NRG3: variants seen among roughly 807,000 people sequenced by gnomAD.
The protein encoded by NRG3 is pro-neuregulin-3, membrane-bound isoform.
In NRG3, 31 loss-of-function variants were observed where a neutral mutation model predicts 66.9. The ratio of observed to expected loss-of-function variants is 0.46; its 90% CI spans 0.35 to 0.63. The LOEUF is 0.63. NRG3 is among the 20% of genes least tolerant of loss of function. The pLI is 0.00. For missense variants in NRG3, 910 were observed against 878.9 expected, an observed-to-expected ratio of 1.04 and a Z score of -0.45; for synonymous variants, 393 against 359.4, an observed-to-expected ratio of 1.09 and a Z score of -1.06.
chr10:82,431,710 A>G (rs938371745), intron 2 of NRG3, among the ~76,000 whole-genome samples: 4 of 152,144 alleles, frequency 2.6e-5, no homozygotes, highest in Admixed American at 2.0e-4. Flanking sequence ...AATTTTCTGG[A>G]AGCAATCATC....
intron 3 of NRG3, among the ~76,000 whole-genome samples, chr10:82,760,679 TA>T (rs1453873130): frequency 6.6e-6 from 1 of 151,396 alleles, no homozygotes; most frequent in Non-Finnish European, 1.5e-5. Flanking sequence ...ACTTAGAAAA[TA>T]AAAAAATAAA....
In NRG3 at chr10:81,893,135, A is replaced by G. The variant is rs529770625; in HGVS notation, c.823+16972A>G. 2.6e-3 allele frequency among the ~76,000 whole-genome samples: 392 copies of G among 152,328 alleles called. 3 individuals are homozygous for G. Among genetic ancestry groups the G allele is most frequent in the African/African-American group, 8.8e-3 (365 of 41,576 alleles). ...AGTAATAAACGGAAAGTAAAAGTCAAGTGTAGTTCTACCACCCAGAGATAA... is the reference window on the plus strand; with the variant it reads ...AGTAATAAACGGAAAGTAAAAGTCAGGTGTAGTTCTACCACCCAGAGATAA... On this transcript the variant is annotated intron_variant, in intron 1 of 8. Transcript: ENST00000372141.
At chr10:82,732,719 T>C (rs926267623) in intron 2 of NRG3, among the ~76,000 whole-genome samples, 1 of 152,228 alleles carries the variant, frequency 6.6e-6, no homozygotes, top group Non-Finnish European at 1.5e-5. Context: ...TACTGTTATC[T>C]GCATTTTACA....
At chr10:82,128,453 T>C (rs1242065226) in intron 1 of NRG3, among the ~76,000 whole-genome samples, 1 of 152,064 alleles carries the variant, frequency 6.6e-6, no homozygotes, top group Non-Finnish European at 1.5e-5. Flanking sequence ...ACTTTCTATA[T>C]GCCTTCCCAG....
chr10:82,493,567 T>C (rs1331840216), intron 2 of NRG3, among the ~76,000 whole-genome samples: 1 of 152,180 alleles, frequency 6.6e-6, no homozygotes, highest in Non-Finnish European at 1.5e-5. Context: ...TCTTTGCTGT[T>C]GTGAATAGTG....
chr10:82,923,839 A>G (rs551330535), intron 4 of NRG3, among the ~76,000 whole-genome samples: 3 of 152,136 alleles, frequency 2.0e-5, no homozygotes, highest in East Asian at 3.9e-4. Context: ...TGTTAAAGGT[A>G]GAGAGAGGGC....
At chr10:82,508,277 G>C (rs772196213) in intron 2 of NRG3, among the ~76,000 whole-genome samples, 1 of 152,172 alleles carries the variant, frequency 6.6e-6, no homozygotes, top group African/African-American at 2.4e-5. Flanking sequence ...TGTTTATGGG[G>C]AGTTAGAGTA....
intron 1 of NRG3, among the ~76,000 whole-genome samples, chr10:81,884,823 A>G (rs1489908004): frequency 6.6e-6 from 1 of 152,138 alleles, no homozygotes; most frequent in Non-Finnish European, 1.5e-5. Context: ...CATATCGATG[A>G]GTTTGGACAT....
At chr10:82,374,172 A>G (rs2085064920) in intron 2 of NRG3, among the ~76,000 whole-genome samples, 2 of 152,226 alleles carry the variant, frequency 1.3e-5, no homozygotes, top group South Asian at 2.1e-4. Flanking sequence ...TCTATTTCAA[A>G]CCTACTAAGC....
chr10:82,129,354 T>C (rs1171965070), intron 1 of NRG3, among the ~76,000 whole-genome samples: 1 of 152,190 alleles, frequency 6.6e-6, no homozygotes, highest in African/African-American at 2.4e-5. Flanking sequence ...TAGTTTAAAG[T>C]TAGTCTTAGA....
At chr10:82,201,369 G>A (rs944023541) in intron 1 of NRG3, among the ~76,000 whole-genome samples, 4 of 152,046 alleles carry the variant, frequency 2.6e-5, no homozygotes, top group Non-Finnish European at 2.9e-5. Flanking sequence ...CTTGAGAATG[G>A]TTTTGATGTC....
intron 1 of NRG3, among the ~76,000 whole-genome samples, chr10:82,251,423 G>A (rs528564778): frequency 2.6e-5 from 4 of 152,134 alleles, no homozygotes; most frequent in Admixed American, 6.5e-5. Context: ...TGCAGGTACC[G>A]AGAAGGCTTT....
At chr10:81,914,499 G>A (rs1400144111) in intron 1 of NRG3, among the ~76,000 whole-genome samples, 6 of 152,034 alleles carry the variant, frequency 3.9e-5, no homozygotes, top group East Asian at 1.9e-4. Context: ...TTGGGAGGCC[G>A]AGGCAGCAGG....
At chr10:82,945,230 C>G (rs1228158851) in intron 4 of NRG3, among the ~76,000 whole-genome samples, 1 of 152,168 alleles carries the variant, frequency 6.6e-6, no homozygotes, top group East Asian at 1.9e-4. Context: ...TTGGTTGGAA[C>G]AGCACACAAA....
At chr10:82,291,178 G>C (rs1389681460) in intron 1 of NRG3, among the ~76,000 whole-genome samples, 1 of 151,330 alleles carries the variant, frequency 6.6e-6, no homozygotes, top group African/African-American at 2.4e-5. Context: ...ACACACGCAC[G>C]CACCAGTCAC....
chr10:82,175,822 G>A (rs1030044466), intron 1 of NRG3, among the ~76,000 whole-genome samples: 5 of 152,068 alleles, frequency 3.3e-5, no homozygotes, highest in African/African-American at 7.2e-5. Context: ...TTTGGTAGAC[G>A]GATACTATTT....
chr10:82,188,720 C>T (rs540429177), intron 1 of NRG3, among the ~76,000 whole-genome samples: 1 of 152,180 alleles, frequency 6.6e-6, no homozygotes, highest in South Asian at 2.1e-4. Flanking sequence ...CATCATTGAT[C>T]ATCAAAGAAG....
At chr10:82,721,612 G>A (rs954983730) in intron 2 of NRG3, among the ~76,000 whole-genome samples, 1 of 151,816 alleles carries the variant, frequency 6.6e-6, no homozygotes, top group African/African-American at 2.4e-5. Flanking sequence ...TAGCAGAGGC[G>A]TGGTTTCACG....
intron 2 of NRG3, among the ~76,000 whole-genome samples, chr10:82,736,916 G>A (rs10885297): frequency 0.08 from 12,147 of 152,182 alleles, 594 homozygotes; most frequent in Middle Eastern, 0.18. Flanking sequence ...TAGCACATAC[G>A]TAGGACGTAA....
Sources: allele counts gnomAD v4.1 joint callset (sites outside exome capture counted in the v4.1 genomes callset), GRCh38; gene constraint gnomAD v4.1.1; transcripts MANE v1.5; gene names NCBI Gene and HGNC (gene_info 2026-07-23, HGNC 2026-07-21).